Variants in PDGFD observed in about 807,000 individuals in gnomAD.
PDGFD encodes the protein platelet derived growth factor D.
A neutral mutation model predicts 44.7 loss-of-function variants in PDGFD; 30 were observed. The observed-to-expected ratio is 0.67, with a 90% CI of 0.50 to 0.91. PDGFD has a LOEUF of 0.91. PDGFD is among the 40% of genes least tolerant of loss of function. The probability of loss-of-function intolerance (pLI) is 0.00; values close to 1 mark genes in which losing one functional copy is unlikely to be tolerated. For missense variants in PDGFD, 445 were observed against 457.8 expected (o/e 0.97, Z 0.25); for synonymous variants, 173 against 168.4 (o/e 1.03, Z -0.21).
chr11:104,141,730 G>A (rs1013111172), intron 1 of PDGFD, among the ~76,000 whole-genome samples: 2 of 152,170 alleles, frequency 1.3e-5, no homozygotes, highest in African/African-American at 4.8e-5. Context: ...CAAAAGAGGA[G>A]AAGGCAATGT....
rs569522354 is a variant in PDGFD, at chr11:103,909,121, C to A, written c.*573G>T. On this transcript the variant is annotated 3_prime_UTR_variant, in exon 7 of 7. Coordinates refer to ENST00000393158, the MANE Select transcript of PDGFD (RefSeq NM_025208.5). ...CATGGAAAAAATGCTTAGGTATTGGCCTTTTCTCTGGAAACCATATTTTTC... is the reference window on the plus strand; with the variant it reads ...CATGGAAAAAATGCTTAGGTATTGGACTTTTCTCTGGAAACCATATTTTTC... 2 of 152,278 alleles carry A rather than the reference C, an allele frequency of 1.3e-5. No individual in the cohort carries two copies. The highest frequency in any genetic ancestry group is 2.4e-5 in the African/African-American group (1 of 41,420). 9.4% of individuals were successfully genotyped at this position (152,278 alleles called of 1,614,324 possible). A position where few individuals can be genotyped will look rare whatever the true frequency, so the allele number is the denominator to read the frequency against.
chr11:103,952,284 A>G (rs1202762936), intron 3 of PDGFD, among the ~76,000 whole-genome samples: 6 of 152,242 alleles, frequency 3.9e-5, no homozygotes, highest in Non-Finnish European at 8.8e-5. Context: ...AGTTTAGTTT[A>G]CAAAGAAAAC....
At chr11:103,977,189 G>T (rs1435934145) in intron 3 of PDGFD, among the ~76,000 whole-genome samples, 1 of 152,114 alleles carries the variant, frequency 6.6e-6, no homozygotes, top group Non-Finnish European at 1.5e-5. Context: ...TGAAATTGAG[G>T]CAGTAATTAA....
intron 5 of PDGFD, 92 bp from the exon 6 acceptor site, chr11:103,927,218 T>C (rs561555384): frequency 3.5e-5 from 40 of 1,127,154 alleles, no homozygotes; most frequent in Non-Finnish European, 4.8e-5. Flanking sequence ...GAAGATTCTG[T>C]GAGGACAACT....
At chr11:103,959,276 GC>G in intron 3 of PDGFD, among the ~76,000 whole-genome samples, 1 of 152,104 alleles carries the variant, frequency 6.6e-6, no homozygotes, top group Non-Finnish European at 1.5e-5. Context: ...GGCACTATGG[GC>G]CATACTGAAT....
chr11:103,966,354 C>A (rs1484210744), intron 3 of PDGFD, among the ~76,000 whole-genome samples: 1 of 152,132 alleles, frequency 6.6e-6, no homozygotes, highest in African/African-American at 2.4e-5. Flanking sequence ...CAGTCAATTT[C>A]TACAGTTGTT....
chr11:104,161,930 A>C (rs1313972974), intron 1 of PDGFD, among the ~76,000 whole-genome samples: 1 of 145,516 alleles, frequency 6.9e-6, no homozygotes, highest in East Asian at 2.0e-4. Flanking sequence ...AGTATTGAGC[A>C]ATCAGAACTA....
At chr11:104,092,791 T>C (rs1054403573) in intron 1 of PDGFD, among the ~76,000 whole-genome samples, 3 of 152,010 alleles carry the variant, frequency 2.0e-5, no homozygotes, top group African/African-American at 7.2e-5. Flanking sequence ...CAGAAGAAAA[T>C]CAGTAGTGAT....
chr11:104,021,489 G>A (rs1859952324), intron 1 of PDGFD, among the ~76,000 whole-genome samples: 1 of 152,088 alleles, frequency 6.6e-6, no homozygotes, highest in African/African-American at 2.4e-5. Flanking sequence ...GAAGTGTTGG[G>A]TACTAATTGT....
chr11:103,937,834 G>C (rs1858516927), intron 5 of PDGFD, among the ~76,000 whole-genome samples: 1 of 151,456 alleles, frequency 6.6e-6, no homozygotes, highest in South Asian at 2.1e-4. Context: ...ATAGTTTGCT[G>C]AGAATGATGG....
intron 1 of PDGFD, among the ~76,000 whole-genome samples, chr11:104,142,646 G>C (rs914363328): frequency 2.0e-5 from 3 of 152,150 alleles, no homozygotes; most frequent in African/African-American, 7.2e-5. Flanking sequence ...GGCTAAATGA[G>C]AATTGGAGAT....
intron 1 of PDGFD, among the ~76,000 whole-genome samples, chr11:104,073,554 G>A (rs361309): frequency 0.46 from 70,559 of 151,950 alleles, 18,001 homozygotes; most frequent in African/African-American, 0.68. Flanking sequence ...AACTTTTTGT[G>A]TGTAAATAAA....
At chr11:104,091,445 G>C (rs531488923) in intron 1 of PDGFD, among the ~76,000 whole-genome samples, 1 of 152,240 alleles carries the variant, frequency 6.6e-6, no homozygotes, top group Admixed American at 6.5e-5. Flanking sequence ...ACTGGATCAG[G>C]AAACACTTTA....
intron 1 of PDGFD, among the ~76,000 whole-genome samples, chr11:104,107,711 G>A (rs1415035174): frequency 6.6e-6 from 1 of 152,130 alleles, no homozygotes; most frequent in Non-Finnish European, 1.5e-5. Context: ...TCTGGAGTAA[G>A]ACTTAGAGCT....
intron 1 of PDGFD, among the ~76,000 whole-genome samples, chr11:104,083,925 T>C (rs547046381): frequency 5.3e-5 from 8 of 152,306 alleles, no homozygotes; most frequent in African/African-American, 1.7e-4. Context: ...TTGTCAATAC[T>C]GAAGGTGCTA....
chr11:103,917,913 T>A (rs888866838), intron 6 of PDGFD, among the ~76,000 whole-genome samples: 2 of 152,196 alleles, frequency 1.3e-5, no homozygotes, highest in Admixed American at 6.5e-5. Context: ...TGGAGTCCCC[T>A]GCACTCATGC....
chr11:103,960,260 T>C (rs912080023), intron 3 of PDGFD, among the ~76,000 whole-genome samples: 3 of 152,318 alleles, frequency 2.0e-5, no homozygotes, highest in East Asian at 1.9e-4. Context: ...GGGTGAACTA[T>C]TGCTTCTCCT....
intron 1 of PDGFD, among the ~76,000 whole-genome samples, chr11:104,028,418 T>C (rs151142208): frequency 2.9e-4 from 44 of 151,482 alleles, no homozygotes; most frequent in African/African-American, 9.0e-4. Flanking sequence ...ATTTGTCCTC[T>C]TTTCTGTTTT....
At chr11:103,963,999 T>C (rs191772405) in intron 3 of PDGFD, among the ~76,000 whole-genome samples, 358 of 152,214 alleles carry the variant, frequency 2.4e-3, no homozygotes, top group Middle Eastern at 0.014. Flanking sequence ...AACTTAGAGG[T>C]ACTGTGTCGC....
Sources: gnomAD v4.1 joint callset for allele counts (sites outside exome capture counted in the v4.1 genomes callset) on GRCh38, gnomAD v4.1.1 for gene constraint, MANE v1.5 for transcripts, NCBI Gene and HGNC (gene_info 2026-07-23, HGNC 2026-07-21) for gene names.